The following ABCA13 variants were observed in gnomAD, a reference collection of about 807,000 sequenced individuals.
ABCA13 encodes the protein ATP binding cassette subfamily A member 13.
Under a neutral mutation model 478.7 loss-of-function variants are expected in ABCA13, and 476 were observed. The observed-to-expected ratio is 0.99, with a 90% CI of 0.92 to 1.07. The LOEUF is 1.07. Ranked by LOEUF, ABCA13 falls within the 50% of genes least tolerant of loss-of-function variation. The pLI, the probability that ABCA13 is intolerant of heterozygous loss-of-function variation, is 0.00. For synonymous variants in ABCA13, 2,252 were observed against 2,158.9 expected (o/e 1.04, Z -1.20); for missense variants, 6,060 against 5,910.6 (o/e 1.03, Z -0.83).
intron 38 of ABCA13, among the ~76,000 whole-genome samples, chr7:48,396,934 G>A (rs959316394): frequency 4.6e-5 from 7 of 152,186 alleles, no homozygotes; most frequent in South Asian, 4.1e-4. Flanking sequence ...GCTAAATGAG[G>A]CAGTATTATG....
intron 23 of ABCA13, among the ~76,000 whole-genome samples, chr7:48,306,637 G>T (rs1471941303): frequency 5.3e-5 from 8 of 152,138 alleles, no homozygotes; most frequent in Non-Finnish European, 1.0e-4. Flanking sequence ...CTTCACCAAT[G>T]TGTGTCTGCA....
At chr7:48,181,636 T>C (rs991552174) in intron 1 of ABCA13, among the ~76,000 whole-genome samples, 1 of 152,102 alleles carries the variant, frequency 6.6e-6, no homozygotes, top group African/African-American at 2.4e-5. Context: ...TACTTAAAGG[T>C]CATTTTGTCA....
intron 1 of ABCA13, among the ~76,000 whole-genome samples, chr7:48,180,800 G>T (rs1795588617): frequency 6.6e-6 from 1 of 152,138 alleles, no homozygotes; most frequent in Non-Finnish European, 1.5e-5. Flanking sequence ...TACTAGGGAG[G>T]CTGAGGCAGG....
At chr7:48,601,138 C>G (rs192994539) in intron 58 of ABCA13, among the ~76,000 whole-genome samples, 179 of 151,410 alleles carry the variant, frequency 1.2e-3, no homozygotes, top group African/African-American at 4.1e-3. Context: ...TTCTTGTAAT[C>G]TTTAACTGAT....
chr7:48,267,148 ATGT>A (rs961215045), intron 15 of ABCA13, among the ~76,000 whole-genome samples: 1 of 152,054 alleles, frequency 6.6e-6, no homozygotes, highest in Non-Finnish European at 1.5e-5. Flanking sequence ...AATATGTATT[ATGT>A]TGTTGTTGGG....
chr7:48,524,414 A>C lies in ABCA13; in HGVS notation c.14218A>C (p.Ile4740Leu). Residue 4740 changes from isoleucine (I) to leucine (L), a missense_variant, in exon 54 of 62, where the codon ATT becomes CTT. Around this residue, in one of 3 missense-constraint regions of ABCA13, gnomAD observed 1,627 missense variants for 1,571.0 expected, o/e 1.04. Coordinates refer to ENST00000435803, the MANE Select transcript of ABCA13 (RefSeq NM_152701.5). ...FFQNIIAVQD[I>L]SLGIPKGECF... ...CCAGAATATTATTGCTGTGCAAGAT[A>C]TTAGTTTGGGCATACCAAAAGGAGA... The C allele has an allele frequency of 1.2e-6, 2 of 1,611,004 alleles. No individual in the cohort carries two copies. Among genetic ancestry groups the C allele is most frequent in the Non-Finnish European group, 1.7e-6 (2 of 1,178,770 alleles).
Position 48,273,889 on chromosome 7 carries a change from C to A in ABCA13, c.4223C>A (p.Ser1408Tyr), listed in dbSNP as rs1276491330. The A allele has an allele frequency of 6.2e-7, 1 of 1,612,788 alleles. No individual in the cohort carries two copies. The highest frequency in any genetic ancestry group is 8.5e-7 in the Non-Finnish European group (1 of 1,179,260). ...LDVINHLYLL[S>Y]NSSFSQGHLQ... is the part of the protein sequence containing the mutation. Reference sequence around the variant, plus strand: ...GTCATAAACCATTTGTATTTGTTGTCTAACTCCAGTTTTTCACAAGGTCAT... The same window carrying A: ...GTCATAAACCATTTGTATTTGTTGTATAACTCCAGTTTTTCACAAGGTCAT... Residue 1408 changes from serine to tyrosine, a missense_variant, in exon 17 of 62, where the codon TCT becomes TAT. By Grantham distance (144) the Ser-to-Tyr change is moderately radical. Transcript: ENST00000435803.
rs772337675 is a variant in ABCA13, at chr7:48,274,098, T to C, written c.4432T>C (p.Phe1478Leu). 1 of 1,606,808 alleles carries C rather than the reference T, an allele frequency of 6.2e-7. No homozygotes were observed. Among genetic ancestry groups the C allele is most frequent in the Non-Finnish European group, 8.5e-7 (1 of 1,176,314 alleles). The change falls in exon 17 of 62, where the codon TTT becomes CTT. Residue 1478 changes from phenylalanine (F) to leucine (L), a missense_variant. Phe to Leu is a conservative substitution (Grantham distance 22). Coordinates refer to ENST00000435803, the MANE Select transcript of ABCA13 (RefSeq NM_152701.5). ...TCTAAATATTGTACTTACTACAGTC[T>C]TTGAAAAAGAGAAGAAACCTAAATT... is the stretch of plus-strand genomic sequence containing the variant. ...DFLNIVLTTV[F>L]EKEKKPKFEI...
intron 59 of ABCA13, among the ~76,000 whole-genome samples, chr7:48,629,107 C>T (rs1429648730): frequency 1.3e-5 from 2 of 152,198 alleles, no homozygotes; most frequent in African/African-American, 2.4e-5. Flanking sequence ...GGCATCTCCA[C>T]TAACAGAAAC....
At chr7:48,376,393 A>G (rs1490770903) in intron 34 of ABCA13, 48 bp from the exon 35 acceptor site, 1 of 1,587,494 alleles carries the variant, frequency 6.3e-7, no homozygotes. Context: ...AAAATCTACC[A>G]TAAAAGAGCT....
chr7:48,194,991 G>A (rs935164832), intron 2 of ABCA13, among the ~76,000 whole-genome samples: 1 of 152,230 alleles, frequency 6.6e-6, no homozygotes, highest in Non-Finnish European at 1.5e-5. Context: ...TGGGAAAATT[G>A]CCATGATGGG....
chr7:48,566,576 G>A (rs934111078), intron 55 of ABCA13, among the ~76,000 whole-genome samples: 14 of 152,146 alleles, frequency 9.2e-5, no homozygotes, highest in Admixed American at 6.6e-5. Context: ...ATGAGCTCTG[G>A]TTTAGATAAT....
chr7:48,369,312 G>C (rs938157834), intron 32 of ABCA13, among the ~76,000 whole-genome samples: 9 of 152,064 alleles, frequency 5.9e-5, no homozygotes, highest in African/African-American at 2.2e-4. Flanking sequence ...TATATAGATT[G>C]TGAAGATTTT....
intron 47 of ABCA13, among the ~76,000 whole-genome samples, chr7:48,484,569 G>A (rs982014575): frequency 3.3e-5 from 5 of 152,174 alleles, no homozygotes; most frequent in African/African-American, 1.2e-4. Context: ...AGATGGTTGT[G>A]TCTTTGCTTT....
chr7:48,403,841 G>A lies in ABCA13; in HGVS notation c.12032G>A (p.Arg4011Gln), dbSNP rs775789318. The stretch of plus-strand genomic sequence containing the variant: ...ACCAGTGGGGTGGACCCTTGCTCCC[G>A]GCATAGCCTGTGGGACATTCTGCTC... ...EPTSGVDPCS[R>Q]HSLWDILLKY... Residue 4011 changes from arginine to glutamine, a missense_variant, in exon 39 of 62, where the codon CGG becomes CAG. Physicochemically the swap from Arg to Gln is conservative, Grantham distance 43. Around this residue, in one of 3 missense-constraint regions of ABCA13, gnomAD observed 1,627 missense variants for 1,571.0 expected, o/e 1.04. Transcript: ENST00000435803. 95 of 1,613,374 alleles carry A rather than the reference G, an allele frequency of 5.9e-5. No homozygotes were observed. The highest frequency in any genetic ancestry group is 9.9e-5 in the South Asian group (9 of 90,998).
intron 14 of ABCA13, 61 bp from the exon 15 acceptor site, chr7:48,249,151 A>G (rs1792144864): frequency 1.4e-6 from 2 of 1,465,426 alleles, no homozygotes; most frequent in South Asian, 1.3e-5. Context: ...ATTTATAATG[A>G]TCTGTCATCT....
chr7:48,240,725 T>A (rs1461217207), intron 9 of ABCA13, 142 bp from the exon 10 acceptor site: 3 of 609,848 alleles, frequency 4.9e-6, no homozygotes, highest in Non-Finnish European at 7.5e-6. Context: ...CATACTGCAA[T>A]TGCTAACAGA....
intron 58 of ABCA13, among the ~76,000 whole-genome samples, chr7:48,595,385 A>G (rs1351930490): frequency 6.6e-6 from 1 of 152,254 alleles, no homozygotes; most frequent in Non-Finnish European, 1.5e-5. Flanking sequence ...TGATTTAACT[A>G]ATACAAATTC....
chr7:48,239,252 C>T lies in ABCA13; in HGVS notation c.909C>T (p.Asp303=). The change falls in exon 9 of 62, where the codon GAC becomes GAT. Residue 303 remains aspartate, a synonymous_variant. Coordinates refer to ENST00000435803, the MANE Select transcript of ABCA13 (RefSeq NM_152701.5). ...CATATTGTTGTCAGATTCCCACAGACACTTCCTTGGAGAAGATGGTGTGTT... is the reference window on the plus strand; with the variant it reads ...CATATTGTTGTCAGATTCCCACAGATACTTCCTTGGAGAAGATGGTGTGTT... ...SSAELKEIPT[D]TSLEKMVCSV... 1 of 1,613,908 alleles carries T rather than the reference C, an allele frequency of 6.2e-7. No homozygotes were observed. The highest frequency in any genetic ancestry group is 8.5e-7 in the Non-Finnish European group (1 of 1,179,832).
Sources: allele counts gnomAD v4.1 joint callset (sites outside exome capture counted in the v4.1 genomes callset), GRCh38; gene constraint gnomAD v4.1.1; regional missense constraint gnomAD v4.1.1; transcripts MANE v1.5; gene names NCBI Gene and HGNC (gene_info 2026-07-23, HGNC 2026-07-21).